Variants in TPD52L1 observed in about 807,000 individuals in gnomAD.
TPD52L1 encodes tumor protein D53.
TPD52L1 carries 18 observed loss-of-function variants against 28.7 expected under a neutral mutation model. That is an observed-to-expected ratio of 0.63 (90% confidence interval 0.43 to 0.93). The LOEUF is 0.93. Ranked by LOEUF, TPD52L1 falls within the 40% of genes least tolerant of loss-of-function variation. The pLI, the probability that TPD52L1 is intolerant of heterozygous loss-of-function variation, is 0.00. For synonymous variants in TPD52L1, 75 were observed against 88.8 expected, an observed-to-expected ratio of 0.84 and a Z score of 0.88; for missense variants, 203 against 254.8, an observed-to-expected ratio of 0.80 and a Z score of 1.39.
rs192765318 is a variant in TPD52L1 at position 125,245,279 on chromosome 6, T to C, written c.285-3003T>C. 9.2e-5 allele frequency among the ~76,000 whole-genome samples: 14 copies of C among 152,310 alleles called. No homozygotes were observed. The East Asian group carries it at 2.7e-3, about 29-fold the overall frequency. ...CAGGCAGCAGTATTAGCTGTTCTTT[T>C]CTTCTTCCTGGGATCAGGGTTATTC... On this transcript the variant is annotated intron_variant, in intron 3 of 6. Coordinates refer to ENST00000534000, the MANE Select transcript of TPD52L1 (RefSeq NM_003287.4).
intron 1 of TPD52L1, among the ~76,000 whole-genome samples, chr6:125,210,158 A>G (rs1794401608): frequency 6.6e-6 from 1 of 152,226 alleles, no homozygotes; most frequent in African/African-American, 2.4e-5. Flanking sequence ...AGGCCGAATT[A>G]TAAATTCCAA....
intron 1 of TPD52L1, among the ~76,000 whole-genome samples, chr6:125,197,998 G>A (rs1210349924): frequency 3.3e-5 from 5 of 152,188 alleles, no homozygotes; most frequent in African/African-American, 1.2e-4. Context: ...TAAATAAGAA[G>A]CAGCCAAGAT....
intron 1 of TPD52L1, among the ~76,000 whole-genome samples, chr6:125,202,537 C>T (rs181650282): frequency 6.6e-6 from 1 of 151,978 alleles, no homozygotes; most frequent in African/African-American, 2.4e-5. Flanking sequence ...AAAATCAGTT[C>T]TCTGGTCTAT....
intron 3 of TPD52L1, among the ~76,000 whole-genome samples, chr6:125,233,922 C>A (rs879713133): frequency 2.6e-5 from 4 of 152,298 alleles, no homozygotes; most frequent in Non-Finnish European, 4.4e-5. Context: ...GAGACCCTTA[C>A]CTCACACTAC....
intron 1 of TPD52L1, among the ~76,000 whole-genome samples, chr6:125,214,631 C>G (rs77197117): frequency 0.01 from 1,586 of 152,234 alleles, 28 homozygotes; most frequent in African/African-American, 0.036. Flanking sequence ...ATTTCAAATG[C>G]CAAAATCCTA....
intron 3 of TPD52L1, among the ~76,000 whole-genome samples, chr6:125,237,646 TCAG>T (rs1796348158): frequency 1.3e-5 from 2 of 152,134 alleles, no homozygotes; most frequent in Non-Finnish European, 2.9e-5. Flanking sequence ...TAATGTTTCA[TCAG>T]CATATAATAC....
chr6:125,258,501 T>C (rs1230752894), intron 6 of TPD52L1, among the ~76,000 whole-genome samples: 2 of 152,180 alleles, frequency 1.3e-5, no homozygotes, highest in Admixed American at 6.5e-5. Context: ...TTTTCAGCCT[T>C]AGACGACCCA....
chr6:125,208,867 C>A, intron 1 of TPD52L1: 8 of 983,402 alleles, frequency 8.1e-6, no homozygotes, highest in Non-Finnish European at 9.7e-6. Flanking sequence ...GGTCCTGAGC[C>A]CTCACACCAG....
At chr6:125,223,422 C>A (rs1025750284) in intron 2 of TPD52L1, among the ~76,000 whole-genome samples, 4 of 152,132 alleles carry the variant, frequency 2.6e-5, no homozygotes, top group Admixed American at 1.3e-4. Context: ...AAAGAGGAAT[C>A]TCTTGGCCAG....
chr6:125,192,327 T>C (rs2114862723), intron 1 of TPD52L1, among the ~76,000 whole-genome samples: 2 of 152,082 alleles, frequency 1.3e-5, no homozygotes, highest in Non-Finnish European at 2.9e-5. Context: ...AAATCTTTTT[T>C]TTTTTTTTAT....
intron 4 of TPD52L1, chr6:125,253,260 T>C (rs1302540796): frequency 1.8e-5 from 3 of 169,368 alleles, no homozygotes; most frequent in African/African-American, 4.8e-5. Context: ...GAAAGTCTTA[T>C]GTTAACTTCT....
At chr6:125,246,678 AT>A (rs1192725782) in intron 3 of TPD52L1, among the ~76,000 whole-genome samples, 7 of 152,122 alleles carry the variant, frequency 4.6e-5, no homozygotes, top group Admixed American at 4.6e-4. Flanking sequence ...AAAAAAAGAA[AT>A]TAAGCAAACT....
chr6:125,219,202 C>A (rs569136172), intron 1 of TPD52L1, among the ~76,000 whole-genome samples: 7 of 152,278 alleles, frequency 4.6e-5, no homozygotes, highest in Admixed American at 4.6e-4. Context: ...TTCCTGGGTT[C>A]CCTGGAGAAC....
At chr6:125,187,995 A>G (rs1442179556) in intron 1 of TPD52L1, among the ~76,000 whole-genome samples, 1 of 151,956 alleles carries the variant, frequency 6.6e-6, no homozygotes, top group Non-Finnish European at 1.5e-5. Context: ...GTGGGAGAGC[A>G]TTTACATTTA....
intron 3 of TPD52L1, among the ~76,000 whole-genome samples, chr6:125,241,237 G>T (rs1481702650): frequency 2.6e-5 from 4 of 152,006 alleles, no homozygotes; most frequent in Non-Finnish European, 4.4e-5. Context: ...CTAGTATTTT[G>T]TTGAGGATTT....
chr6:125,261,023 GAAAAGAAAGAAAGAAAGAAAGAAA>G (rs1798013087), intron 6 of TPD52L1: 5 of 50,330 alleles, frequency 9.9e-5, no homozygotes, highest in East Asian at 1.1e-3. Context: ...AGAAAGAAAA[GAAAAGAAAGAAAGAAAGAAAGAAA>G]GAAAAGGGGA....
At chr6:125,223,031 T>C (rs76528851) in intron 2 of TPD52L1, among the ~76,000 whole-genome samples, 1,592 of 152,326 alleles carry the variant, frequency 0.01, 28 homozygotes, top group African/African-American at 0.036. Flanking sequence ...TTCATAGCAC[T>C]AACCACATTC....
At chr6:125,166,312 T>C (rs1407789578) in intron 1 of TPD52L1, among the ~76,000 whole-genome samples, 2 of 152,212 alleles carry the variant, frequency 1.3e-5, no homozygotes, top group African/African-American at 4.8e-5. Flanking sequence ...TTTCCAACAT[T>C]TTGTTTTCCA....
At chr6:125,179,292 C>T (rs138036482) in intron 1 of TPD52L1, among the ~76,000 whole-genome samples, 6 of 152,358 alleles carry the variant, frequency 3.9e-5, no homozygotes, top group Admixed American at 1.3e-4. Context: ...TCCTGCAGAA[C>T]ACAATGGGTT....
Sources: allele counts gnomAD v4.1 joint callset (sites outside exome capture counted in the v4.1 genomes callset), GRCh38; gene constraint gnomAD v4.1.1; transcripts MANE v1.5; gene names NCBI Gene and HGNC (gene_info 2026-07-23, HGNC 2026-07-21).